Variants in ZDHHC11 observed in about 807,000 individuals in gnomAD.
The protein encoded by ZDHHC11 is palmitoyltransferase ZDHHC11.
ZDHHC11 carries 44 observed loss-of-function variants against 51.3 expected under a neutral mutation model. The ratio of observed to expected loss-of-function variants is 0.86; its 90% CI spans 0.67 to 1.10. The LOEUF (loss-of-function observed/expected upper bound fraction) is 1.10. Among genes scored for constraint, ZDHHC11 ranks in the 50% least tolerant of loss-of-function variants. ZDHHC11 has a pLI of 0.00. For missense variants in ZDHHC11, 400 were observed against 537.7 expected, an observed-to-expected ratio of 0.74 and a Z score of 2.53; for synonymous variants, 163 against 222.0, an observed-to-expected ratio of 0.73 and a Z score of 2.36.
intron 11 of ZDHHC11, among the ~76,000 whole-genome samples, chr5:805,973 C>A (rs1739192804): frequency 6.6e-6 from 1 of 151,112 alleles, no homozygotes; most frequent in African/African-American, 2.4e-5. Flanking sequence ...CCCCACACAG[C>A]AAGCGGCTAG....
intron 3 of ZDHHC11, among the ~76,000 whole-genome samples, chr5:845,067 C>T (rs1561296098): frequency 6.6e-6 from 1 of 152,306 alleles, no homozygotes; most frequent in Non-Finnish European, 1.5e-5. Flanking sequence ...CCGCAGTCCT[C>T]CGAAGAGGCA....
At chr5:824,898 C>A (rs1579645981) in intron 8 of ZDHHC11, among the ~76,000 whole-genome samples, 1 of 151,728 alleles carries the variant, frequency 6.6e-6, no homozygotes, top group African/African-American at 2.4e-5. Flanking sequence ...CTGCCCATCA[C>A]CACAGCCTGA....
At chr5:842,122 G>C in intron 4 of ZDHHC11, 1 of 986,542 alleles carries the variant, frequency 1.0e-6, no homozygotes, top group Non-Finnish European at 1.2e-6. Context: ...ATTCACTCAG[G>C]CCACAATCAA....
At chr5:835,593 G>C (rs1353921601) in intron 6 of ZDHHC11, among the ~76,000 whole-genome samples, 1 of 151,974 alleles carries the variant, frequency 6.6e-6, no homozygotes, top group Admixed American at 6.5e-5. Flanking sequence ...TTTTGAATTT[G>C]CATATACATT....
At chr5:822,609 T>C (rs924884243) in intron 8 of ZDHHC11, among the ~76,000 whole-genome samples, 4 of 151,506 alleles carry the variant, frequency 2.6e-5, no homozygotes, top group Non-Finnish European at 5.9e-5. Context: ...TTCATCCCCA[T>C]GAGCAATGGA....
At chr5:845,381 C>G (rs1382064679) in intron 3 of ZDHHC11, among the ~76,000 whole-genome samples, 2 of 152,300 alleles carry the variant, frequency 1.3e-5, no homozygotes, top group East Asian at 3.8e-4. Flanking sequence ...TCTAAGACCA[C>G]AGAGACAAAA....
At chr5:805,609 G>C (rs1307937617) in intron 11 of ZDHHC11, among the ~76,000 whole-genome samples, 2 of 151,024 alleles carry the variant, frequency 1.3e-5, no homozygotes, top group African/African-American at 4.9e-5. Flanking sequence ...GGCAGGAATT[G>C]AGAAATAAAA....
chr5:837,734 T>C (rs112730395), intron 5 of ZDHHC11, among the ~76,000 whole-genome samples: 8,832 of 151,608 alleles, frequency 0.058, 377 homozygotes, highest in African/African-American at 0.084. Context: ...CCCACGCCCC[T>C]GCCGCCTGCC....
chr5:822,995 G>A (rs1481470490), intron 8 of ZDHHC11, among the ~76,000 whole-genome samples: 1 of 149,560 alleles, frequency 6.7e-6, no homozygotes, highest in Non-Finnish European at 1.5e-5. Context: ...AAACTGAGCT[G>A]TTGTGTATTT....
chr5:854,749 C>A (rs11956187), upstream of ZDHHC11, among the ~76,000 whole-genome samples: 1,393 of 129,040 alleles, frequency 0.011, 27 homozygotes, highest in African/African-American at 0.04. Context: ...CAGACCCCAC[C>A]GAGGACAGCG....
chr5:829,263 C>G (rs966305075), intron 7 of ZDHHC11, among the ~76,000 whole-genome samples: 2 of 151,012 alleles, frequency 1.3e-5, no homozygotes, highest in Non-Finnish European at 3.0e-5. Context: ...CAACATTAAG[C>G]AAGAAAAGAA....
At chr5:828,315 G>A (rs1241189612) in intron 7 of ZDHHC11, among the ~76,000 whole-genome samples, 8 of 151,210 alleles carry the variant, frequency 5.3e-5, no homozygotes, top group Non-Finnish European at 8.9e-5. Context: ...AGGGGCGGCC[G>A]GGCGGAGGCA....
rs1263520415 is a variant in ZDHHC11 at position 813,694 on chromosome 5, GC to G, written c.1181+1066del. On this transcript the variant is annotated intron_variant, in intron 11 of 12. Coordinates refer to ENST00000283441, the MANE Select transcript of ZDHHC11 (RefSeq NM_024786.3). ...GAGGTCCTGGGCCAGGACGGCTGCA[GC>G]TGCTGTGTGCCCAGAGAGCACGGGG... Among the ~76,000 whole-genome samples the G allele has an allele frequency of 3.3e-5, 5 of 150,072 alleles. No individual in the cohort carries two copies. The East Asian group carries it at 9.7e-4, about 29-fold the overall frequency.
chr5:805,393 G>A (rs1739101065), intron 11 of ZDHHC11, among the ~76,000 whole-genome samples: 1 of 150,718 alleles, frequency 6.6e-6, no homozygotes, highest in Admixed American at 6.6e-5. Context: ...AGTTATCACT[G>A]TGCACTCCAG....
intron 12 of ZDHHC11, among the ~76,000 whole-genome samples, 187 bp from the exon 13 acceptor site, chr5:796,767 C>G (rs1263519105): frequency 4.6e-5 from 7 of 152,276 alleles, no homozygotes; most frequent in Middle Eastern, 3.4e-3. Flanking sequence ...TAGTGAGAGT[C>G]CTCCCGAGCC....
intron 6 of ZDHHC11, among the ~76,000 whole-genome samples, chr5:837,156 G>A (rs2150378067): frequency 6.6e-6 from 1 of 152,220 alleles, no homozygotes; most frequent in African/African-American, 2.4e-5. Flanking sequence ...TTTGCACTAG[G>A]AAGTCCGTGG....
rs1742554032 is a variant in ZDHHC11 at position 828,185 on chromosome 5, C to G, written c.936-2934G>C. Among the ~76,000 whole-genome samples the G allele has an allele frequency of 2.0e-5, 3 of 151,518 alleles. No homozygotes were observed. In the South Asian group the frequency reaches 6.2e-4, roughly 31 times the overall value. Reference sequence around the variant, plus strand: ...TCCGATTTCTCAATCTTTTCCCCACCTTTCCCCCTTTTCTATTCCACAAAA... The same window carrying G: ...TCCGATTTCTCAATCTTTTCCCCACGTTTCCCCCTTTTCTATTCCACAAAA... On this transcript the variant is annotated intron_variant, in intron 7 of 12. Coordinates refer to ENST00000283441, the MANE Select transcript of ZDHHC11 (RefSeq NM_024786.3).
intron 11 of ZDHHC11, 127 bp downstream of exon 11, chr5:814,634 T>C: frequency 9.3e-7 from 1 of 1,070,548 alleles, no homozygotes; most frequent in South Asian, 2.6e-5. Flanking sequence ...CAGAGAAACA[T>C]TTCTACTTTC....
intron 11 of ZDHHC11, among the ~76,000 whole-genome samples, chr5:802,400 T>G (rs1264730434): frequency 6.6e-6 from 1 of 151,170 alleles, no homozygotes; most frequent in Non-Finnish European, 1.5e-5. Context: ...TAATTTCAAA[T>G]GAAAACATAA....
Sources: allele counts gnomAD v4.1 joint callset (sites outside exome capture counted in the v4.1 genomes callset), GRCh38; gene constraint gnomAD v4.1.1; transcripts MANE v1.5; gene names NCBI Gene and HGNC (gene_info 2026-07-23, HGNC 2026-07-21).